Variants in NCALD observed in about 807,000 individuals in gnomAD.
NCALD encodes neurocalcin-delta.
Under a neutral mutation model 18.6 loss-of-function variants are expected in NCALD, and 10 were observed. The observed-to-expected ratio is 0.54, with a 90% confidence interval of 0.33 to 0.91. The LOEUF (loss-of-function observed/expected upper bound fraction) is 0.91. Ranked by LOEUF, NCALD falls within the 40% of genes least tolerant of loss-of-function variation. The pLI, the probability that NCALD is intolerant of heterozygous loss-of-function variation, is 0.03. For synonymous variants in NCALD, 88 were observed against 87.4 expected, an observed-to-expected ratio of 1.01 and a Z score of -0.04; for missense variants, 184 against 247.6, an observed-to-expected ratio of 0.74 and a Z score of 1.72.
intron 1 of NCALD, among the ~76,000 whole-genome samples, chr8:102,034,525 C>T (rs188267578): frequency 6.6e-6 from 1 of 152,276 alleles, no homozygotes; most frequent in Admixed American, 6.5e-5. Context: ...CATCCTTATA[C>T]CTTCCTCTAT....
chr8:101,726,048 A>G (rs1816558198), intron 1 of NCALD, among the ~76,000 whole-genome samples: 1 of 152,136 alleles, frequency 6.6e-6, no homozygotes, highest in Non-Finnish European at 1.5e-5. Context: ...CTCTTTGAAG[A>G]GCAAGAACAG....
At chr8:101,957,292 T>TTTG (rs1819667318) in intron 2 of NCALD, among the ~76,000 whole-genome samples, 1 of 131,916 alleles carries the variant, frequency 7.6e-6, no homozygotes, top group East Asian at 2.3e-4. Context: ...AGTTGGGGTT[T>TTTG]TTTTTTTTTT....
At chr8:101,928,650 A>G (rs981153158) in intron 2 of NCALD, among the ~76,000 whole-genome samples, 1 of 145,222 alleles carries the variant, frequency 6.9e-6, no homozygotes, top group Admixed American at 6.9e-5. Context: ...CTTTCTCTTC[A>G]TTAACTTTCA....
chr8:101,788,235 CG>C (rs1812309218), intron 1 of NCALD, among the ~76,000 whole-genome samples: 1 of 152,150 alleles, frequency 6.6e-6, no homozygotes, highest in Non-Finnish European at 1.5e-5. Context: ...GCATCACTAA[CG>C]TACATATCAA....
chr8:101,880,156 T>G (rs1026884482), intron 4 of NCALD, among the ~76,000 whole-genome samples: 2 of 152,206 alleles, frequency 1.3e-5, no homozygotes, highest in South Asian at 4.1e-4. Context: ...GGGAGGTAGC[T>G]GAGGCCCGGC....
intron 1 of NCALD, among the ~76,000 whole-genome samples, chr8:101,786,707 T>C (rs141255809): frequency 4.6e-5 from 7 of 152,304 alleles, no homozygotes; most frequent in Non-Finnish European, 1.0e-4. Flanking sequence ...ATGTGCAGCC[T>C]TTGGTCTTCC....
intron 1 of NCALD, among the ~76,000 whole-genome samples, chr8:101,737,506 CCT>C (rs1178297024): frequency 6.6e-6 from 1 of 152,212 alleles, no homozygotes; most frequent in Non-Finnish European, 1.5e-5. Flanking sequence ...GTACTCAGGG[CCT>C]CTCAAGGCCG....
intron 4 of NCALD, among the ~76,000 whole-genome samples, chr8:101,802,788 G>C (rs1384991759): frequency 6.7e-6 from 1 of 148,234 alleles, no homozygotes; most frequent in African/African-American, 2.5e-5. Context: ...TTTAAGGAAA[G>C]AAGCCATCTC....
At chr8:102,081,724 C>T (rs564926431) in intron 1 of NCALD, among the ~76,000 whole-genome samples, 7 of 152,264 alleles carry the variant, frequency 4.6e-5, no homozygotes, top group African/African-American at 1.7e-4. Context: ...TAAAAAGAAA[C>T]ACAGAACATC....
At chr8:101,785,842 T>A (rs2130986632) in intron 1 of NCALD, 1 of 152,334 alleles carries the variant, frequency 6.6e-6, no homozygotes. Flanking sequence ...GGAATAGGAC[T>A]GAGCATACCG....
At chr8:101,927,773 G>A (rs557874160) in intron 2 of NCALD, among the ~76,000 whole-genome samples, 80 of 152,218 alleles carry the variant, frequency 5.3e-4, no homozygotes, top group East Asian at 2.7e-3. Context: ...TCCCAGCTCC[G>A]TGTGGCTTTG....
intron 1 of NCALD, among the ~76,000 whole-genome samples, chr8:102,104,171 A>G (rs185041310): frequency 2.0e-5 from 3 of 152,346 alleles, no homozygotes; most frequent in Non-Finnish European, 2.9e-5. Flanking sequence ...CTGATTATAT[A>G]GTTAAAAACC....
chr8:102,059,451 T>C (rs1481004124), intron 1 of NCALD, among the ~76,000 whole-genome samples: 1 of 152,258 alleles, frequency 6.6e-6, no homozygotes, highest in Non-Finnish European at 1.5e-5. Flanking sequence ...CAGTCCCTGA[T>C]ATTTGAACGA....
intron 3 of NCALD, among the ~76,000 whole-genome samples, chr8:101,897,751 C>T (rs950174950): frequency 2.0e-5 from 3 of 152,104 alleles, no homozygotes; most frequent in Non-Finnish European, 2.9e-5. Context: ...AACTATTTTC[C>T]AGAGTGACTC....
chr8:101,939,504 T>C (rs975446298), intron 2 of NCALD, among the ~76,000 whole-genome samples: 1 of 152,244 alleles, frequency 6.6e-6, no homozygotes, highest in Non-Finnish European at 1.5e-5. Context: ...TTTCTCTTTA[T>C]CTGCAAATTG....
chr8:101,938,645 G>A (rs1458247524), intron 2 of NCALD, among the ~76,000 whole-genome samples: 1 of 129,188 alleles, frequency 7.7e-6, no homozygotes, highest in Non-Finnish European at 1.7e-5. Flanking sequence ...AACAAACAAA[G>A]AAATAATGGT....
At chr8:101,882,430 G>A (rs754529614) in intron 4 of NCALD, among the ~76,000 whole-genome samples, 5 of 152,182 alleles carry the variant, frequency 3.3e-5, no homozygotes, top group South Asian at 4.2e-4. Context: ...CACCATCTAC[G>A]AACCAGGAAA....
At chr8:101,964,904 C>T (rs975926702) in intron 2 of NCALD, among the ~76,000 whole-genome samples, 8 of 152,060 alleles carry the variant, frequency 5.3e-5, no homozygotes, top group South Asian at 2.1e-4. Context: ...CTTCTTAAGG[C>T]GTGTGTTAGG....
At chr8:102,029,232 A>G (rs118079289) in intron 1 of NCALD, 2,395 of 152,332 alleles carry the variant, frequency 0.016, 33 homozygotes, top group Middle Eastern at 0.037. Flanking sequence ...GTCCATAGGA[A>G]AGACAGGGAA....
Sources: allele counts gnomAD v4.1 joint callset (sites outside exome capture counted in the v4.1 genomes callset), GRCh38; gene constraint gnomAD v4.1.1; transcripts MANE v1.5; gene names NCBI Gene and HGNC (gene_info 2026-07-23, HGNC 2026-07-21).